The following EHMT1 variants were observed in gnomAD, a reference collection of about 807,000 sequenced individuals.
The protein encoded by EHMT1 is histone-lysine N-methyltransferase EHMT1.
In EHMT1, 15 loss-of-function variants were observed where a neutral mutation model predicts 147.2. That is an observed-to-expected ratio of 0.10 (90% CI 0.07 to 0.16). The LOEUF (loss-of-function observed/expected upper bound fraction) is 0.16, where lower values mean the gene tolerates loss of function less well. Ranked by LOEUF, EHMT1 falls within the 10% of genes least tolerant of loss-of-function variation. EHMT1 has a pLI of 1.00. For synonymous variants in EHMT1, 795 were observed against 709.6 expected, an observed-to-expected ratio of 1.12 and a Z score of -1.91; for missense variants, 1,587 against 1,772.4, an observed-to-expected ratio of 0.90 and a Z score of 1.88.
At chr9:137,737,047 T>C (rs1196818094) in intron 4 of EHMT1, among the ~76,000 whole-genome samples, 2 of 151,684 alleles carry the variant, frequency 1.3e-5, no homozygotes, top group African/African-American at 4.9e-5. Flanking sequence ...TTAAAAAAAA[T>C]ACAAAAATTA....
intron 1 of EHMT1, among the ~76,000 whole-genome samples, chr9:137,700,262 G>A (rs1401334000): frequency 6.6e-6 from 1 of 152,270 alleles, no homozygotes; most frequent in South Asian, 2.1e-4. Context: ...ACAGCCTGTA[G>A]TGCCCACCTC....
intron 16 of EHMT1, among the ~76,000 whole-genome samples, chr9:137,793,153 C>T (rs901680091): frequency 3.9e-5 from 6 of 152,182 alleles, no homozygotes; most frequent in African/African-American, 1.4e-4. Flanking sequence ...GTGAAAAGAC[C>T]ACCTACAGAA....
At chr9:137,799,006 ATGG>A (rs1953205369) in intron 17 of EHMT1, 92 bp downstream of exon 17, 1 of 1,059,864 alleles carries the variant, frequency 9.4e-7, no homozygotes, top group African/African-American at 1.6e-5. Context: ...CCCATTCTCC[ATGG>A]CGTCCCCTCC....
intron 10 of EHMT1, chr9:137,763,115 T>G: frequency 1.7e-6 from 1 of 591,718 alleles, no homozygotes. Flanking sequence ...TTTCCTACCT[T>G]GCTATAAACA....
chr9:137,719,715 T>G (rs368163063), intron 3 of EHMT1, among the ~76,000 whole-genome samples: 4 of 152,188 alleles, frequency 2.6e-5, no homozygotes, highest in African/African-American at 9.7e-5. Flanking sequence ...TCCGTGGGGC[T>G]TACTCAGTTT....
intron 1 of EHMT1, among the ~76,000 whole-genome samples, chr9:137,708,755 A>ACTGAGTGGCATGTCCAGGC (rs1185196884): frequency 2.6e-5 from 4 of 152,092 alleles, no homozygotes; most frequent in Admixed American, 2.6e-4. Context: ...TCCAGGTCTG[A>ACTGAGTGGCATGTCCAGGC]CTGAGTGGCA....
chr9:137,668,968 G>C (rs1291038411), intron 1 of EHMT1, among the ~76,000 whole-genome samples: 1 of 152,134 alleles, frequency 6.6e-6, no homozygotes, highest in Non-Finnish European at 1.5e-5. Flanking sequence ...CTCACTGCAA[G>C]CTCCGCCTCC....
chr9:137,705,597 A>G (rs926510571), intron 1 of EHMT1, among the ~76,000 whole-genome samples: 1 of 152,232 alleles, frequency 6.6e-6, no homozygotes, highest in Non-Finnish European at 1.5e-5. Context: ...CTCAGGTGGA[A>G]ATGGACTGGT....
At chr9:137,619,112 G>A in intron 1 of EHMT1, 63 bp downstream of exon 1, 1 of 560,080 alleles carries the variant, frequency 1.8e-6, no homozygotes. Context: ...GGCGGCGCGG[G>A]GGCGAAGAAC....
intron 1 of EHMT1, among the ~76,000 whole-genome samples, chr9:137,627,684 C>T (rs1843356649): frequency 6.6e-6 from 1 of 151,596 alleles, no homozygotes; most frequent in Non-Finnish European, 1.5e-5. Context: ...AATTTCTTGC[C>T]TTGCTGGTAT....
chr9:137,694,212 G>A (rs1332684246), intron 1 of EHMT1, among the ~76,000 whole-genome samples: 1 of 124,844 alleles, frequency 8.0e-6, no homozygotes, highest in Non-Finnish European at 1.6e-5. Context: ...GACGCTGGCC[G>A]ATACCCCCCA....
chr9:137,726,161 C>G (rs1309974087), intron 3 of EHMT1, among the ~76,000 whole-genome samples: 4 of 152,162 alleles, frequency 2.6e-5, no homozygotes, highest in African/African-American at 7.2e-5. Context: ...TTTAAGTAAA[C>G]AGCTCAGTGG....
rs1023551579 is a variant in EHMT1 at position 137,716,706 on chromosome 9, G to T, written c.166G>T (p.Gly56Trp). 3.1e-6 allele frequency: 5 copies of T among 1,610,344 alleles called. No individual in the cohort carries two copies. Among genetic ancestry groups the T allele is most frequent in the Non-Finnish European group, 3.4e-6 (4 of 1,177,810 alleles). The change falls in exon 3 of 27, where the codon GGG becomes TGG. Residue 56 changes from glycine (G) to tryptophan (W), a missense_variant. By Grantham distance (184) the Gly-to-Trp change is radical. Around this residue, in one of 7 missense-constraint regions of EHMT1, gnomAD observed 810 missense variants for 673.0 expected, o/e 1.20. Transcript: ENST00000460843. ...AHMAADGETN[G>W]SCENSDASSH... is the part of the protein sequence containing the mutation. ...CATGGCTGCGGACGGTGAGACCAAT[G>T]GGTCTTGTGAAAACAGCGATGCCAG...
intron 16 of EHMT1, among the ~76,000 whole-genome samples, chr9:137,796,328 C>T (rs368109107): frequency 2.0e-5 from 3 of 152,202 alleles, no homozygotes; most frequent in Admixed American, 2.0e-4. Flanking sequence ...AAAGGTGTCA[C>T]AAAGGACACG....
At chr9:137,766,671 A>T (rs1237188675) in intron 10 of EHMT1, among the ~76,000 whole-genome samples, 27 of 152,198 alleles carry the variant, frequency 1.8e-4, no homozygotes, top group Admixed American at 1.8e-3. Flanking sequence ...GTGTTGTCTG[A>T]TATTAACATA....
intron 1 of EHMT1, among the ~76,000 whole-genome samples, chr9:137,652,240 T>C (rs747531154): frequency 3.3e-5 from 5 of 152,072 alleles, no homozygotes; most frequent in Non-Finnish European, 7.4e-5. Context: ...CCTTGGCTAA[T>C]GTGTGTGTTT....
intron 25 of EHMT1, among the ~76,000 whole-genome samples, chr9:137,822,882 A>G (rs1286673339): frequency 1.3e-5 from 2 of 150,264 alleles, no homozygotes; most frequent in African/African-American, 2.5e-5. Context: ...CAACAAGAGC[A>G]AAACTTCATC....
chr9:137,798,095 CTG>C (rs1382310991), intron 16 of EHMT1, among the ~76,000 whole-genome samples: 1 of 152,246 alleles, frequency 6.6e-6, no homozygotes, highest in African/African-American at 2.4e-5. Context: ...TGTTCCCAAT[CTG>C]GGCATGGTGG....
chr9:137,646,521 G>A, intron 1 of EHMT1: 1 of 913,788 alleles, frequency 1.1e-6, no homozygotes, highest in Non-Finnish European at 1.3e-6. Flanking sequence ...AAGCAGCCTT[G>A]GCTGCCCAAC....
Sources: gnomAD v4.1 joint callset for allele counts (sites outside exome capture counted in the v4.1 genomes callset) on GRCh38, gnomAD v4.1.1 for gene constraint, gnomAD v4.1.1 regional missense constraint, MANE v1.5 for transcripts, NCBI Gene and HGNC (gene_info 2026-07-23, HGNC 2026-07-21) for gene names.